CCDC127: variants seen among roughly 807,000 people sequenced by gnomAD.
CCDC127 encodes coiled-coil domain containing 127.
CCDC127 carries 2 observed loss-of-function variants against 4.1 expected under a neutral mutation model. That is an observed-to-expected ratio of 0.49 (90% CI 0.20 to 1.53). The LOEUF (loss-of-function observed/expected upper bound fraction) is 1.53, where lower values mean the gene tolerates loss of function less well. Among genes scored for constraint, CCDC127 ranks in the 40% most tolerant of loss-of-function variants. The pLI is 0.23. For synonymous variants in CCDC127, 98 were observed against 120.4 expected (o/e 0.81, Z 1.22); for missense variants, 271 against 322.9 (o/e 0.84, Z 1.23).
Position 199,320 on chromosome 5 carries a change from ACG to A in CCDC127, c.*5975_*5976del. 6.2e-6 allele frequency: 1 copy of A among 160,736 alleles called. No individual in the cohort carries two copies. Among genetic ancestry groups the A allele is most frequent in the Non-Finnish European group, 1.3e-5 (1 of 74,396 alleles). 10.0% of individuals were successfully genotyped at this position (160,736 alleles called of 1,614,324 possible). A position where few individuals can be genotyped will look rare whatever the true frequency, so the allele number is the denominator to read the frequency against. Reference sequence around the variant, plus strand: ...TGGACGTGGCCCCTCTGTGTGGTGGACGTGGCCCCTCTGTGTGGACGTGGCCC... The same window carrying A: ...TGGACGTGGCCCCTCTGTGTGGTGGATGGCCCCTCTGTGTGGACGTGGCCC... On this transcript the variant is annotated 3_prime_UTR_variant, in exon 3 of 3. Coordinates refer to ENST00000296824, the MANE Select transcript of CCDC127 (RefSeq NM_145265.3).
rs1162289669 is a variant in CCDC127 at position 216,780 on chromosome 5, T to TTCC, written c.67_69dup (p.Gly23dup). 35 of 1,611,466 alleles carry TTCC rather than the reference T, an allele frequency of 2.2e-5. No individual in the cohort carries two copies. In the Admixed American group the frequency reaches 5.7e-4, roughly 26 times the overall value. On this transcript the variant is annotated inframe_insertion, in exon 2 of 3. Transcript: ENST00000296824. ...ACCAACAGGGCATAATTCCACCTGC[T>TTCC]TCCATCACCACCATCCGCCCTGGAA...
At chr5:206,949 C>T (rs1408128237) in intron 2 of CCDC127, among the ~76,000 whole-genome samples, 1 of 152,160 alleles carries the variant, frequency 6.6e-6, no homozygotes, top group African/African-American at 2.4e-5. Context: ...CCCTCCCCTA[C>T]TAACTGTGGG....
chr5:205,936 G>A lies in CCDC127; in HGVS notation c.144C>T (p.Ser48=), dbSNP rs1405454726. Residue 48 remains serine (S), a synonymous_variant, in exon 3 of 3, where the codon TCC becomes TCT. Coordinates refer to ENST00000296824, the MANE Select transcript of CCDC127 (RefSeq NM_145265.3). The stretch of plus-strand genomic sequence containing the variant: ...CTCTCTCTTTTTCTACTTCTTTCTG[G>A]GACTCCCTAGACCAAATCCAACCTG... ...AAFRWIWSRE[S]QKEVEKEREA... is the part of the protein sequence containing the mutation. 6.2e-7 allele frequency: 1 copy of A among 1,612,778 alleles called. No homozygotes were observed.
Position 196,883 on chromosome 5 carries a change from G to A in CCDC127, c.*8414C>T, listed in dbSNP as rs1471834267. On this transcript the variant is annotated 3_prime_UTR_variant, in exon 3 of 3. Transcript: ENST00000296824. ...AGACACAAAGTATAGAGAAACAACA[G>A]TGGGCCCAGGGGACCGGCGCTCAGC... is the stretch of plus-strand genomic sequence containing the variant. 6.7e-6 allele frequency: 1 copy of A among 150,058 alleles called. No individual in the cohort carries two copies. Among genetic ancestry groups the A allele is most frequent in the Non-Finnish European group, 1.5e-5 (1 of 67,464 alleles). 9.3% of individuals were successfully genotyped at this position (150,058 alleles called of 1,614,324 possible). A position where few individuals can be genotyped will look rare whatever the true frequency, so the allele number is the denominator to read the frequency against.
In CCDC127 at chr5:205,335, T is replaced by G; in HGVS notation, c.745A>C (p.Lys249Gln). Residue 249 changes from lysine to glutamine, a missense_variant, in exon 3 of 3, where the codon AAG (lysine) becomes CAG (glutamine). Physicochemically the swap from Lys to Gln is moderately conservative, Grantham distance 53 (BLOSUM62 1). Around this residue, in one of 2 missense-constraint regions of CCDC127, gnomAD observed 265 missense variants for 270.9 expected, o/e 0.98. Transcript: ENST00000296824. ...KYWELVVELK[K>Q]FKRVEEAILE... ...ATGGCTTCCTCTACTCTCTTAAACT[T>G]CTTCAGTTCGACAACGAGTTCCCAG... 6.2e-7 allele frequency: 1 copy of G among 1,613,650 alleles called. No homozygotes were observed. Among genetic ancestry groups the G allele is most frequent in the African/African-American group, 1.3e-5 (1 of 75,048 alleles).
rs1579354699 is a variant in CCDC127, at chr5:199,531, C to G, written c.*5766G>C. 1 of 152,206 alleles carries G rather than the reference C, an allele frequency of 6.6e-6. No homozygotes were observed. Among genetic ancestry groups the G allele is most frequent in the East Asian group, 1.9e-4 (1 of 5,134 alleles). The allele number at this position is 152,206 out of a possible 1,614,324, so 9.4% of individuals were successfully genotyped here. On this transcript the variant is annotated 3_prime_UTR_variant, in exon 3 of 3. Transcript: ENST00000296824. ...GGGCACCGTGCTTGTCCCCCCCCAT[C>G]TTGATGCCTGCCAGTCACCCCCCGC... is the stretch of plus-strand genomic sequence containing the variant.
intron 2 of CCDC127, among the ~76,000 whole-genome samples, chr5:211,123 CG>C: frequency 5.6e-5 from 6 of 107,064 alleles, no homozygotes; most frequent in African/African-American, 2.0e-4. Flanking sequence ...TGCTCGACAT[CG>C]AATACTGCAG....
At chr5:217,645 G>C (rs1418806175) in intron 1 of CCDC127, among the ~76,000 whole-genome samples, 1 of 151,938 alleles carries the variant, frequency 6.6e-6, no homozygotes, top group Non-Finnish European at 1.5e-5. Context: ...GGTGATGTGG[G>C]GAAGGTGCAA....
At chr5:206,829 A>T (rs1734185029) in intron 2 of CCDC127, among the ~76,000 whole-genome samples, 1 of 152,142 alleles carries the variant, frequency 6.6e-6, no homozygotes, top group Admixed American at 6.5e-5. Context: ...AGCAGCACGG[A>T]GTTGAGTCTT....
intron 2 of CCDC127, among the ~76,000 whole-genome samples, chr5:208,069 C>G (rs889930882): frequency 1.3e-5 from 2 of 152,172 alleles, no homozygotes; most frequent in Non-Finnish European, 2.9e-5. Context: ...AACCTGAATT[C>G]CGAGTCTGAC....
chr5:216,688 T>C (rs1229190754), intron 2 of CCDC127, 41 bp downstream of exon 2: 13 of 1,613,184 alleles, frequency 8.1e-6, no homozygotes, highest in Non-Finnish European at 1.0e-5. Context: ...CTCCACACTC[T>C]CAGCCTGGAA....
chr5:215,992 TTTC>T (rs1734373012), intron 2 of CCDC127: 1 of 151,564 alleles, frequency 6.6e-6, no homozygotes, highest in Admixed American at 6.6e-5. Context: ...CAAGCAGAGA[TTTC>T]ATGGATGAAG....
In CCDC127 at chr5:205,781, G is replaced by T. The variant is rs546334231; in HGVS notation, c.299C>A (p.Ala100Asp). 3 of 1,614,130 alleles carry T rather than the reference G, an allele frequency of 1.9e-6. No homozygotes were observed. The Admixed American group carries it at 5.0e-5, about 27-fold the overall frequency. ...AGAGATAAGGGCTTCTCGGTAACTA[G>T]CAGTTCTGTTTTGTTCCTTTTCGAG... Reference protein sequence around the residue: ...LELEKEQNRTASYREALISQG... With the variant: ...LELEKEQNRTDSYREALISQG... Residue 100 changes from alanine to aspartate, a missense_variant, in exon 3 of 3, where the codon GCT becomes GAT. Physicochemically the swap from Ala to Asp is moderately radical, Grantham distance 126. Coordinates refer to ENST00000296824, the MANE Select transcript of CCDC127 (RefSeq NM_145265.3).
chr5:207,163 G>A (rs1218246237), intron 2 of CCDC127, among the ~76,000 whole-genome samples: 1 of 152,154 alleles, frequency 6.6e-6, no homozygotes, highest in African/African-American at 2.4e-5. Context: ...TGACCTTTGT[G>A]GGAGCAATTC....
In CCDC127 at chr5:198,839, G is replaced by C. The variant is rs1189786670; in HGVS notation, c.*6458C>G. 1 of 152,284 alleles carries C rather than the reference G, an allele frequency of 6.6e-6. No individual in the cohort carries two copies. Among genetic ancestry groups the C allele is most frequent in the African/African-American group, 2.4e-5 (1 of 41,464 alleles). The allele number at this position is 152,284 out of a possible 1,614,324, so 9.4% of individuals were successfully genotyped here. A position where few individuals can be genotyped will look rare whatever the true frequency, so the allele number is the denominator to read the frequency against. On this transcript the variant is annotated 3_prime_UTR_variant, in exon 3 of 3. Transcript: ENST00000296824. Reference sequence around the variant, plus strand: ...AGCACGCCTGCTGGGTTTTTATGGAGAGCACTTCTCTACCGCAGAAAACAC... The same window carrying C: ...AGCACGCCTGCTGGGTTTTTATGGACAGCACTTCTCTACCGCAGAAAACAC...
At chr5:208,820 C>T (rs927414833) in intron 2 of CCDC127, among the ~76,000 whole-genome samples, 17 of 152,330 alleles carry the variant, frequency 1.1e-4, no homozygotes, top group Middle Eastern at 3.4e-3. Context: ...AGTGTTTCAG[C>T]ACGTAATGCC....
rs180979356 is a variant in CCDC127 at position 205,372 on chromosome 5, G to A, written c.708C>T (p.Leu236=). ...CAACGAGTTCCCAGTATTTGAGATA[G>A]AGCCACATGAGTCTGCCATTCTGGC... is the stretch of plus-strand genomic sequence containing the variant. ...NKRQNGRLMW[L]YLKYWELVVE... is the part of the protein sequence containing the mutation. Residue 236 remains leucine, a synonymous_variant, in exon 3 of 3, where the codon CTC becomes CTT. Transcript: ENST00000296824. 1.5e-5 allele frequency: 24 copies of A among 1,614,070 alleles called. No individual in the cohort carries two copies. Among genetic ancestry groups the A allele is most frequent in the Non-Finnish European group, 1.9e-5 (23 of 1,180,038 alleles).
rs1206869013 is a variant in CCDC127, at chr5:202,418, C to T, written c.*2879G>A. The T allele has an allele frequency of 6.6e-6, 1 of 152,330 alleles. No homozygotes were observed. Among genetic ancestry groups the T allele is most frequent in the East Asian group, 1.9e-4 (1 of 5,190 alleles). The allele number at this position is 152,330 out of a possible 1,614,324, so 9.4% of individuals were successfully genotyped here. ...TGGCCAACATGGTGAAACCCTGTCTCTACTAAACATACAAAAATTAGCCAG... is the reference window on the plus strand; with the variant it reads ...TGGCCAACATGGTGAAACCCTGTCTTTACTAAACATACAAAAATTAGCCAG... On this transcript the variant is annotated 3_prime_UTR_variant, in exon 3 of 3. Transcript: ENST00000296824.
At position 203,780 on chromosome 5, in the gene CCDC127, C is replaced by A. The variant is rs1333898365; in HGVS notation, c.*1517G>T. ...GTGCCCGGGCTCAGACTGGCTCCAA[C>A]ACTACTACCTGCGTGACCTCAGGCA... On this transcript the variant is annotated 3_prime_UTR_variant, in exon 3 of 3. Transcript: ENST00000296824. 5 of 152,278 alleles carry A rather than the reference C, an allele frequency of 3.3e-5. No homozygotes were observed. Among genetic ancestry groups the A allele is most frequent in the African/African-American group, 9.6e-5 (4 of 41,456 alleles). 9.4% of individuals were successfully genotyped at this position (152,278 alleles called of 1,614,324 possible).
Sources: allele counts gnomAD v4.1 joint callset (sites outside exome capture counted in the v4.1 genomes callset), GRCh38; gene constraint gnomAD v4.1.1; regional missense constraint gnomAD v4.1.1; transcripts MANE v1.5; gene names NCBI Gene and HGNC (gene_info 2026-07-23, HGNC 2026-07-21).